BRAF: variants seen among roughly 807,000 people sequenced by gnomAD.
BRAF encodes the protein B-Raf proto-oncogene, serine/threonine kinase.
Under a neutral mutation model 104.6 loss-of-function variants are expected in BRAF, and 16 were observed. That is an observed-to-expected ratio of 0.15 (90% CI 0.10 to 0.23). The LOEUF is 0.23. Ranked by LOEUF, BRAF falls within the 10% of genes least tolerant of loss-of-function variation. BRAF has a pLI of 1.00. For synonymous variants in BRAF, 310 were observed against 341.6 expected, an observed-to-expected ratio of 0.91 and a Z score of 1.02; for missense variants, 541 against 937.3, an observed-to-expected ratio of 0.58 and a Z score of 5.52.
At chr7:140,825,216 C>T (rs748662194) in intron 3 of BRAF, among the ~76,000 whole-genome samples, 6 of 152,150 alleles carry the variant, frequency 3.9e-5, no homozygotes, top group South Asian at 2.1e-4. Flanking sequence ...GATCCACCTG[C>T]CTCAGCCTCC....
intron 7 of BRAF, among the ~76,000 whole-genome samples, chr7:140,794,763 G>C (rs891058075): frequency 6.6e-6 from 1 of 152,152 alleles, no homozygotes; most frequent in African/African-American, 2.4e-5. Flanking sequence ...ATCAACTGAA[G>C]AAGTTCAACC....
chr7:140,755,076 C>T (rs910542657), intron 14 of BRAF, among the ~76,000 whole-genome samples: 7 of 152,102 alleles, frequency 4.6e-5, no homozygotes, highest in Non-Finnish European at 8.8e-5. Context: ...TGTAGTGGCA[C>T]GACCTTGGCT....
intron 1 of BRAF, among the ~76,000 whole-genome samples, chr7:140,913,018 A>C (rs1817173346): frequency 6.6e-6 from 1 of 152,222 alleles, no homozygotes; most frequent in Non-Finnish European, 1.5e-5. Flanking sequence ...TTCCCGACAC[A>C]GAATCTTTGA....
chr7:140,794,331 T>C lies in BRAF; in HGVS notation c.1117A>G (p.Thr373Ala). Residue 373 changes from threonine to alanine, a missense_variant, in exon 8 of 20, where the codon ACA (threonine) becomes GCA (alanine). By Grantham distance (58) the Thr-to-Ala change is moderately conservative. Around this residue, in one of 10 missense-constraint regions of BRAF, gnomAD observed 109 missense variants for 143.9 expected, o/e 0.76. Transcript: ENST00000644969. The stretch of plus-strand genomic sequence containing the variant: ...ACATCAATATTGACAGGTTCTATTG[T>C]GTTTATATGCACATTGGGAGCTGAT... ...SSSAPNVHIN[T>A]IEPVNIDDLI... is the part of the protein sequence containing the mutation. 1.2e-6 allele frequency: 2 copies of C among 1,614,100 alleles called. No homozygotes were observed. The highest frequency in any genetic ancestry group is 1.3e-5 in the African/African-American group (1 of 75,042).
chr7:140,867,018 A>T (rs151271956), intron 1 of BRAF, among the ~76,000 whole-genome samples: 1 of 152,166 alleles, frequency 6.6e-6, no homozygotes, highest in Non-Finnish European at 1.5e-5. Context: ...TCTCCATAAT[A>T]TAAGATTGCT....
downstream of BRAF, among the ~76,000 whole-genome samples, chr7:140,717,615 G>T (rs537751160): frequency 1.3e-5 from 2 of 152,258 alleles, no homozygotes; most frequent in South Asian, 2.1e-4. Flanking sequence ...AAAGACAGTA[G>T]GTCCAAGTGT....
intron 1 of BRAF, among the ~76,000 whole-genome samples, chr7:140,894,610 T>C (rs1236539515): frequency 1.3e-5 from 2 of 152,006 alleles, no homozygotes; most frequent in Non-Finnish European, 2.9e-5. Flanking sequence ...CTTACAGATA[T>C]TAAATCTATG....
intron 1 of BRAF, among the ~76,000 whole-genome samples, chr7:140,863,003 T>C (rs1810578339): frequency 6.6e-6 from 1 of 152,192 alleles, no homozygotes; most frequent in Non-Finnish European, 1.5e-5. Context: ...GAAAACCTTT[T>C]TGGACATGTT....
Position 140,799,294 on chromosome 7 carries a change from C to CA in BRAF, c.980+1067dup, listed in dbSNP as rs530765875. On this transcript the variant is annotated intron_variant, in intron 7 of 19. Coordinates refer to ENST00000644969, the MANE Select transcript of BRAF (RefSeq NM_001374258.1). ...TTGAACTTGTCTTCACTGCCTCTCT[C>CA]AGTTTTCACTACCAACAACATCCTA... is the stretch of plus-strand genomic sequence containing the variant. The CA allele has an allele frequency of 3.0e-3, 701 of 232,766 alleles. 7 individuals carry two copies. The highest frequency in any genetic ancestry group is 0.014 in the African/African-American group (633 of 45,432). 14.4% of individuals were successfully genotyped at this position (232,766 alleles called of 1,614,324 possible). A position where few individuals can be genotyped will look rare whatever the true frequency, so the allele number is the denominator to read the frequency against.
At chr7:140,815,010 TTAAA>T (rs1340892856) in intron 3 of BRAF, among the ~76,000 whole-genome samples, 1 of 151,894 alleles carries the variant, frequency 6.6e-6, no homozygotes, top group Non-Finnish European at 1.5e-5. Context: ...CAGTAACATC[TTAAA>T]TAAACTGGCA....
chr7:140,825,459 T>C (rs1213327085), intron 3 of BRAF, among the ~76,000 whole-genome samples: 1 of 152,218 alleles, frequency 6.6e-6, no homozygotes, highest in Non-Finnish European at 1.5e-5. Context: ...ACTGTGCTTC[T>C]GGTGTCATAT....
chr7:140,722,659 A>T lies in BRAF; in HGVS notation c.*3835T>A. 9.5e-7 allele frequency: 1 copy of T among 1,052,928 alleles called. No homozygotes were observed. The highest frequency in any genetic ancestry group is 1.1e-6 in the Non-Finnish European group (1 of 871,512). The allele number at this position is 1,052,928 out of a possible 1,614,324, so 65.2% of individuals were successfully genotyped here. A position where few individuals can be genotyped will look rare whatever the true frequency, so the allele number is the denominator to read the frequency against. ...AAGAAGAGAATCTTGCAAAAAGAGT[A>T]ATCATTCTACCCTCTTAGCTGGGTG... On this transcript the variant is annotated 3_prime_UTR_variant, in exon 20 of 20. Coordinates refer to ENST00000644969, the MANE Select transcript of BRAF (RefSeq NM_001374258.1).
chr7:140,800,903 A>C (rs1803034478), intron 6 of BRAF: 2 of 255,204 alleles, frequency 7.8e-6, no homozygotes, highest in Non-Finnish European at 1.5e-5. Flanking sequence ...AGTCTAATCT[A>C]TTAGAAAAAC....
At chr7:140,769,308 C>G (rs1432518711) in intron 14 of BRAF, among the ~76,000 whole-genome samples, 2 of 151,868 alleles carry the variant, frequency 1.3e-5, no homozygotes, top group East Asian at 3.9e-4. Flanking sequence ...GAACTCCTGT[C>G]CTCAAGTGAT....
At chr7:140,843,233 T>C (rs1394028064) in intron 2 of BRAF, among the ~76,000 whole-genome samples, 1 of 152,162 alleles carries the variant, frequency 6.6e-6, no homozygotes, top group African/African-American at 2.4e-5. Context: ...TTGAGAAAGA[T>C]TTTCTTCCTA....
intron 17 of BRAF, chr7:140,749,071 AT>A (rs1336973004): frequency 1.9e-6 from 1 of 520,694 alleles, no homozygotes; most frequent in Non-Finnish European, 3.4e-6. Context: ...AAAATCAGGA[AT>A]TTTATTCCAT....
intron 19 of BRAF, among the ~76,000 whole-genome samples, chr7:140,729,274 G>A (rs1458175520): frequency 6.6e-6 from 1 of 151,898 alleles, no homozygotes; most frequent in Non-Finnish European, 1.5e-5. Flanking sequence ...AACTTCAGAT[G>A]TTTCCTGTTC....
chr7:140,766,775 C>T (rs556517554), intron 14 of BRAF, among the ~76,000 whole-genome samples: 151 of 152,088 alleles, frequency 9.9e-4, no homozygotes, highest in African/African-American at 3.5e-3. Flanking sequence ...GTCTCAAACT[C>T]CTGGGCTCAA....
intron 4 of BRAF, 87 bp from the exon 5 acceptor site, chr7:140,808,149 C>G: frequency 2.9e-6 from 3 of 1,048,662 alleles, no homozygotes; most frequent in Non-Finnish European, 4.4e-6. Flanking sequence ...AATTGGTTAT[C>G]GAGGGGCTAG....
Sources: allele counts gnomAD v4.1 joint callset (sites outside exome capture counted in the v4.1 genomes callset), GRCh38; gene constraint gnomAD v4.1.1; regional missense constraint gnomAD v4.1.1; transcripts MANE v1.5; gene names NCBI Gene and HGNC (gene_info 2026-07-23, HGNC 2026-07-21).